CDK14: variants seen among roughly 807,000 people sequenced by gnomAD.
CDK14 encodes the protein cyclin dependent kinase 14, also known as cyclin-dependent kinase 14.
Under a neutral mutation model 60.7 loss-of-function variants are expected in CDK14, and 34 were observed. The ratio of observed to expected loss-of-function variants is 0.56; its 90% CI spans 0.43 to 0.75. The LOEUF (loss-of-function observed/expected upper bound fraction) is 0.75, where lower values mean the gene tolerates loss of function less well. Among genes scored for constraint, CDK14 ranks in the 30% least tolerant of loss-of-function variants. CDK14 has a pLI of 0.00. For missense variants in CDK14, 482 were observed against 564.1 expected (o/e 0.85, Z 1.47); for synonymous variants, 197 against 203.7 (o/e 0.97, Z 0.28).
chr7:90,767,520 T>A (rs1804613857), intron 4 of CDK14, among the ~76,000 whole-genome samples: 1 of 152,230 alleles, frequency 6.6e-6, no homozygotes, highest in African/African-American at 2.4e-5. Flanking sequence ...GGTGCCTGCA[T>A]GAAATAGAGC....
Position 90,689,627 on chromosome 7 carries a change from T to G in CDK14, c.124-36940T>G, listed in dbSNP as rs1040531381. On this transcript the variant is annotated intron_variant, in intron 2 of 14. Coordinates refer to ENST00000380050, the MANE Select transcript of CDK14 (RefSeq NM_001287135.2). ...AACCATTAGCCCAGACTAGTTTAGC[T>G]GCTGACTAGAAATTTGTTCCTTGGG... is the stretch of plus-strand genomic sequence containing the variant. Among the ~76,000 whole-genome samples, 4 of 152,208 alleles carry G rather than the reference T, an allele frequency of 2.6e-5. 1 individual carries two copies. The highest frequency in any genetic ancestry group is 9.6e-5 in the African/African-American group (4 of 41,474).
At chr7:91,104,190 T>C (rs963751687) in intron 12 of CDK14, among the ~76,000 whole-genome samples, 1 of 152,066 alleles carries the variant, frequency 6.6e-6, no homozygotes, top group East Asian at 1.9e-4. Flanking sequence ...CTTGTGAACA[T>C]AGAGGCTCAT....
chr7:90,923,299 C>T (rs947914932), intron 8 of CDK14, among the ~76,000 whole-genome samples: 1 of 151,942 alleles, frequency 6.6e-6, no homozygotes, highest in East Asian at 1.9e-4. Context: ...TTAGTAGAGA[C>T]AGGGTTTCAC....
At chr7:90,917,456 C>CA (rs1196096622) in intron 7 of CDK14, 145 bp from the exon 8 acceptor site, 1 of 632,690 alleles carries the variant, frequency 1.6e-6, no homozygotes, top group African/African-American at 1.8e-5. Flanking sequence ...ACTAAAATCT[C>CA]ACATTCTGTT....
chr7:91,201,466 G>A (rs1802720696), intron 14 of CDK14, among the ~76,000 whole-genome samples: 1 of 151,612 alleles, frequency 6.6e-6, no homozygotes, highest in African/African-American at 2.4e-5. Context: ...CTTAGAGGGG[G>A]AAAAAATGTG....
intron 2 of CDK14, among the ~76,000 whole-genome samples, chr7:90,677,870 G>A (rs1398582892): frequency 2.0e-5 from 3 of 152,140 alleles, no homozygotes; most frequent in African/African-American, 4.8e-5. Context: ...ATGCCTTAGT[G>A]CCCTGCTCTA....
intron 5 of CDK14, among the ~76,000 whole-genome samples, chr7:90,796,034 A>G (rs1473158385): frequency 6.6e-6 from 1 of 152,192 alleles, no homozygotes; most frequent in African/African-American, 2.4e-5. Context: ...TGGGAAACAC[A>G]GAGAAGCGGG....
intron 14 of CDK14, among the ~76,000 whole-genome samples, chr7:91,198,209 C>T (rs1802610329): frequency 6.6e-6 from 1 of 152,156 alleles, no homozygotes; most frequent in South Asian, 2.1e-4. Flanking sequence ...ATCTGTGTTC[C>T]CACCTGTGTT....
chr7:91,182,037 A>C (rs2115884336), intron 14 of CDK14, among the ~76,000 whole-genome samples: 1 of 152,254 alleles, frequency 6.6e-6, no homozygotes, highest in Admixed American at 6.5e-5. Context: ...TCATAGTTAT[A>C]ATTCAAATTC....
intron 11 of CDK14, among the ~76,000 whole-genome samples, chr7:91,076,062 C>T (rs1243175637): frequency 6.6e-6 from 1 of 150,472 alleles, no homozygotes; most frequent in South Asian, 2.1e-4. Flanking sequence ...TTTATAGATT[C>T]AAAGCTATCC....
intron 3 of CDK14, among the ~76,000 whole-genome samples, chr7:90,734,241 A>G (rs1307654946): frequency 6.6e-6 from 1 of 151,694 alleles, no homozygotes; most frequent in Middle Eastern, 3.4e-3. Flanking sequence ...TGCCCTTAGC[A>G]TTTTTTCCTT....
At chr7:91,017,362 A>G (rs1796327071) in intron 10 of CDK14, among the ~76,000 whole-genome samples, 1 of 152,238 alleles carries the variant, frequency 6.6e-6, no homozygotes, top group South Asian at 2.1e-4. Flanking sequence ...GGTTTCTTAC[A>G]GGGCTCAGGA....
intron 2 of CDK14, among the ~76,000 whole-genome samples, chr7:90,687,310 G>C (rs6979481): frequency 6.6e-6 from 1 of 152,062 alleles, no homozygotes; most frequent in South Asian, 2.1e-4. Context: ...TTTATTAACC[G>C]AGCAGAGTTA....
intron 14 of CDK14, among the ~76,000 whole-genome samples, chr7:91,162,908 G>C (rs754284492): frequency 6.6e-6 from 1 of 152,152 alleles, no homozygotes; most frequent in Non-Finnish European, 1.5e-5. Context: ...GTGTGGTGTC[G>C]CTAGTGCCAT....
intron 14 of CDK14, among the ~76,000 whole-genome samples, chr7:91,148,084 G>T (rs534614255): frequency 4.3e-4 from 66 of 152,236 alleles, no homozygotes; most frequent in African/African-American, 1.5e-3. Flanking sequence ...TTTTTAAAGG[G>T]AATTTGCAGG....
At chr7:91,095,157 C>A (rs1369523056) in intron 12 of CDK14, among the ~76,000 whole-genome samples, 1 of 152,174 alleles carries the variant, frequency 6.6e-6, no homozygotes, top group Non-Finnish European at 1.5e-5. Flanking sequence ...GACAATAAAA[C>A]AGAGCAATGT....
chr7:90,973,296 C>CT (rs1303813008), intron 9 of CDK14, among the ~76,000 whole-genome samples: 1 of 152,066 alleles, frequency 6.6e-6, no homozygotes, highest in Non-Finnish European at 1.5e-5. Context: ...CCATAATAGT[C>CT]TAAGTTTGAT....
At chr7:90,659,393 C>T (rs1800816487) in intron 2 of CDK14, among the ~76,000 whole-genome samples, 1 of 152,182 alleles carries the variant, frequency 6.6e-6, no homozygotes, top group South Asian at 2.1e-4. Flanking sequence ...TATATGCTTC[C>T]TGCTGATTTG....
At chr7:90,777,289 G>A (rs958054014) in intron 4 of CDK14, among the ~76,000 whole-genome samples, 1 of 152,112 alleles carries the variant, frequency 6.6e-6, no homozygotes, top group African/African-American at 2.4e-5. Context: ...TCTTTTACGT[G>A]GTAAGGACTT....
Sources: allele counts gnomAD v4.1 joint callset (sites outside exome capture counted in the v4.1 genomes callset), GRCh38; gene constraint gnomAD v4.1.1; transcripts MANE v1.5; gene names NCBI Gene and HGNC (gene_info 2026-07-23, HGNC 2026-07-21).